Variants in BRD3 observed in about 807,000 individuals in gnomAD.
The protein encoded by BRD3 is bromodomain-containing protein 3.
BRD3 carries 17 observed loss-of-function variants against 66.8 expected under a neutral mutation model. The observed-to-expected ratio is 0.25, with a 90% CI of 0.17 to 0.38. The LOEUF is 0.38. Among genes scored for constraint, BRD3 ranks in the 10% least tolerant of loss-of-function variants. The probability of loss-of-function intolerance (pLI) is 1.00; values close to 1 mark genes in which losing one functional copy is unlikely to be tolerated. For missense variants in BRD3, 713 were observed against 956.1 expected (o/e 0.75, Z 3.35); for synonymous variants, 421 against 393.2 (o/e 1.07, Z -0.84).
At chr9:134,059,144 A>G (rs1830486778) in intron 1 of BRD3, among the ~76,000 whole-genome samples, 1 of 152,238 alleles carries the variant, frequency 6.6e-6, no homozygotes, top group South Asian at 2.1e-4. Context: ...AATCTGCTTC[A>G]TGATAATGTG....
At chr9:134,065,815 C>A (rs1349215134) in intron 1 of BRD3, among the ~76,000 whole-genome samples, 1 of 152,226 alleles carries the variant, frequency 6.6e-6, no homozygotes, top group Non-Finnish European at 1.5e-5. Context: ...GCCATCACTG[C>A]CGCCTGGTGC....
At chr9:134,055,570 G>C (rs1333238541) in intron 1 of BRD3, among the ~76,000 whole-genome samples, 2 of 152,350 alleles carry the variant, frequency 1.3e-5, no homozygotes, top group East Asian at 3.9e-4. Flanking sequence ...CAGGCACAGA[G>C]AGAGCTCACG....
intron 7 of BRD3, among the ~76,000 whole-genome samples, chr9:134,042,806 CACACACA>C (rs1830089640): frequency 6.7e-6 from 1 of 149,270 alleles, no homozygotes; most frequent in Non-Finnish European, 1.5e-5. Context: ...CACACACACA[CACACACA>C]CACACATTTT....
chr9:134,066,264 C>G (rs1013260742), intron 1 of BRD3, among the ~76,000 whole-genome samples: 12 of 152,166 alleles, frequency 7.9e-5, no homozygotes, highest in African/African-American at 2.9e-4. Flanking sequence ...TCGCCTGCAG[C>G]CCGTCCTGTT....
intron 1 of BRD3, among the ~76,000 whole-genome samples, chr9:134,063,777 C>A (rs925709116): frequency 6.6e-6 from 1 of 152,232 alleles, no homozygotes; most frequent in Non-Finnish European, 1.5e-5. Flanking sequence ...GCAGATCACA[C>A]CCGAGTCCAC....
At chr9:134,051,884 TTTTTG>T (rs1231936829) in intron 3 of BRD3, among the ~76,000 whole-genome samples, 175 bp from the exon 4 acceptor site, 2,162 of 58,592 alleles carry the variant, frequency 0.037, 120 homozygotes, top group Non-Finnish European at 0.053. Context: ...TGTGTTGTTT[TTTTTG>T]TTTTTTTTTT....
chr9:134,045,338 G>A lies in BRD3; in HGVS notation c.1170C>T (p.Tyr390=). The A allele has an allele frequency of 2.5e-6, 4 of 1,613,666 alleles. No homozygotes were observed. Among genetic ancestry groups the A allele is most frequent in the African/African-American group, 1.3e-5 (1 of 75,054 alleles). Residue 390 remains tyrosine, a synonymous_variant, in exon 7 of 12, where the codon TAC becomes TAT. Coordinates refer to ENST00000303407, the MANE Select transcript of BRD3 (RefSeq NM_007371.4). The surrounding 1 kb of genome is among the most constrained non-coding windows in gnomAD (Gnocchi z 4.8). ...VRLMFSNCYK[Y]NPPDHEVVAM... is the part of the protein sequence containing the mutation. ...CCACAACCTCGTGGTCTGGGGGATT[G>A]TATTTGTAGCAATTCGAGAACATCA...
chr9:134,068,013 C>T lies in BRD3; in HGVS notation c.-182G>A, dbSNP rs2132468890. The T allele has an allele frequency of 6.9e-6, 1 of 144,662 alleles. No individual in the cohort carries two copies. The highest frequency in any genetic ancestry group is 6.8e-5 in the Admixed American group (1 of 14,696). 9.0% of individuals were successfully genotyped at this position (144,662 alleles called of 1,614,324 possible). A position where few individuals can be genotyped will look rare whatever the true frequency, so the allele number is the denominator to read the frequency against. On this transcript the variant is annotated 5_prime_UTR_variant, in exon 1 of 12. Coordinates refer to ENST00000303407, the MANE Select transcript of BRD3 (RefSeq NM_007371.4). Reference sequence around the variant, plus strand: ...GCCGGCTCCTCTTTGGCTCGCCGGCCCCGGCAGCATAATAGACGCGCCGGA... The same window carrying T: ...GCCGGCTCCTCTTTGGCTCGCCGGCTCCGGCAGCATAATAGACGCGCCGGA...
At chr9:134,042,327 T>A (rs1371410189) in intron 7 of BRD3, among the ~76,000 whole-genome samples, 1 of 152,130 alleles carries the variant, frequency 6.6e-6, no homozygotes, top group African/African-American at 2.4e-5. Flanking sequence ...TTGGACAGGG[T>A]CCTCCACAGC....
chr9:134,065,986 C>G (rs1408525501), intron 1 of BRD3, among the ~76,000 whole-genome samples: 1 of 151,910 alleles, frequency 6.6e-6, no homozygotes, highest in Non-Finnish European at 1.5e-5. Flanking sequence ...TTGCAAGTCC[C>G]GTCCTTCATT....
rs1843525415 is a variant in BRD3, at chr9:134,032,469, A to G, written c.*1121T>C. ...AAAAAAAAAAAAAAAAACCACAAAG[A>G]AAAAAACCAAAAAACCCAACAAACC... On this transcript the variant is annotated 3_prime_UTR_variant, in exon 12 of 12. Coordinates refer to ENST00000303407, the MANE Select transcript of BRD3 (RefSeq NM_007371.4). The G allele has an allele frequency of 8.9e-6, 2 of 225,936 alleles. No homozygotes were observed. The highest frequency in any genetic ancestry group is 5.7e-5 in the Admixed American group (1 of 17,524). The allele number at this position is 225,936 out of a possible 1,614,324, so 14.0% of individuals were successfully genotyped here. A position where few individuals can be genotyped will look rare whatever the true frequency, so the allele number is the denominator to read the frequency against.
At chr9:134,034,330 G>A (rs1185627819) in intron 11 of BRD3, among the ~76,000 whole-genome samples, 1 of 152,186 alleles carries the variant, frequency 6.6e-6, no homozygotes, top group African/African-American at 2.4e-5. Context: ...CTGCTACCTC[G>A]GCCTGCCATG....
At chr9:134,051,011 C>G (rs1830281704) in intron 4 of BRD3, among the ~76,000 whole-genome samples, 1 of 152,216 alleles carries the variant, frequency 6.6e-6, no homozygotes, top group African/African-American at 2.4e-5. Context: ...CCTGGCCATC[C>G]CGCTCAGTCA....
chr9:134,049,867 C>T (rs1157612267), intron 5 of BRD3, among the ~76,000 whole-genome samples: 1 of 152,178 alleles, frequency 6.6e-6, no homozygotes, highest in East Asian at 1.9e-4. Flanking sequence ...CAGGGAGCAC[C>T]CACTCCCTGC....
At chr9:134,060,318 C>A (rs1359592504) in intron 1 of BRD3, among the ~76,000 whole-genome samples, 1 of 152,216 alleles carries the variant, frequency 6.6e-6, no homozygotes, top group African/African-American at 2.4e-5. Flanking sequence ...AGACCCAGGC[C>A]ATGCGCAGTG....
chr9:134,034,788 G>C lies in BRD3; in HGVS notation c.1978C>G (p.Leu660Val). ...KKQAAKSKEE[L>V]AQEKKKELEK... Reference sequence around the variant, plus strand: ...AGCTCCTTCTTCTTTTCCTGAGCTAGCTCCTCTTTCGACTTGGCTGCCTGT... The same window carrying C: ...AGCTCCTTCTTCTTTTCCTGAGCTACCTCCTCTTTCGACTTGGCTGCCTGT... The change falls in exon 11 of 12, where the codon CTA becomes GTA. Residue 660 changes from leucine to valine, a missense_variant. Transcript: ENST00000303407. 6.2e-7 allele frequency: 1 copy of C among 1,612,228 alleles called. No individual in the cohort carries two copies. The highest frequency in any genetic ancestry group is 8.5e-7 in the Non-Finnish European group (1 of 1,180,022).
rs1301847225 is a variant in BRD3 at position 134,033,731 on chromosome 9, C to T, written c.2066-26G>A. 1.3e-5 allele frequency: 9 copies of T among 703,894 alleles called. No individual in the cohort carries two copies. Among genetic ancestry groups the T allele is most frequent in the Non-Finnish European group, 2.1e-5 (8 of 383,074 alleles). The allele number at this position is 703,894 out of a possible 1,614,324, so 43.6% of individuals were successfully genotyped here. A position where few individuals can be genotyped will look rare whatever the true frequency, so the allele number is the denominator to read the frequency against. ...CTGTGGAGACATGGGCAGGGAGATG[C>T]GCTCGCACACCCGCTTCTTGACCCG... On this transcript the variant is annotated intron_variant, in intron 11 of 11. Coordinates refer to ENST00000303407, the MANE Select transcript of BRD3 (RefSeq NM_007371.4). The surrounding 1 kb of genome is among the most constrained non-coding windows in gnomAD (Gnocchi z 5.1).
In BRD3 at chr9:134,037,696, TA is replaced by T. The variant is rs1272892404; in HGVS notation, c.1644-1373del. 2.8e-5 allele frequency among the ~76,000 whole-genome samples: 4 copies of T among 142,300 alleles called. No individual in the cohort carries two copies. The Admixed American group carries it at 2.9e-4, about 10-fold the overall frequency. The allele number at this position is 142,300 out of a possible 152,430, so 93.4% of individuals were successfully genotyped here. On this transcript the variant is annotated intron_variant, in intron 9 of 11. Transcript: ENST00000303407. ...GGAAACAGTAAAGATCAGAAATAAA[TA>T]AAAGTAAAAATTTTTTTTAAAAACA...
chr9:134,031,650 C>G lies in BRD3; in HGVS notation c.*1940G>C, dbSNP rs1427241971. ...AAAAATGATAATTTACCAGCATCTC[C>G]TCATCAGAGTTCCCTCTCCAGTAAG... On this transcript the variant is annotated 3_prime_UTR_variant, in exon 12 of 12. Transcript: ENST00000303407. 4 of 214,922 alleles carry G rather than the reference C, an allele frequency of 1.9e-5. No homozygotes were observed. The highest frequency in any genetic ancestry group is 3.8e-5 in the Non-Finnish European group (4 of 106,542). The allele number at this position is 214,922 out of a possible 1,614,324, so 13.3% of individuals were successfully genotyped here. A position where few individuals can be genotyped will look rare whatever the true frequency, so the allele number is the denominator to read the frequency against.
Sources: allele counts gnomAD v4.1 joint callset (sites outside exome capture counted in the v4.1 genomes callset), GRCh38; gene constraint gnomAD v4.1.1; non-coding constraint Gnocchi (gnomAD v3.1); transcripts MANE v1.5; gene names NCBI Gene and HGNC (gene_info 2026-07-23, HGNC 2026-07-21).